DLG2: variants seen among roughly 807,000 people sequenced by gnomAD.
DLG2 encodes discs large MAGUK scaffold protein 2.
Under a neutral mutation model 132.5 loss-of-function variants are expected in DLG2, and 45 were observed. The observed-to-expected ratio is 0.34, with a 90% CI of 0.27 to 0.44. The LOEUF is 0.44. Among genes scored for constraint, DLG2 ranks in the 20% least tolerant of loss-of-function variants. The pLI is 1.00. For synonymous variants in DLG2, 424 were observed against 419.6 expected (o/e 1.01, Z -0.13); for missense variants, 1,045 against 1,196.9 (o/e 0.87, Z 1.87).
intron 6 of DLG2, among the ~76,000 whole-genome samples, chr11:84,614,469 A>G (rs2099600650): frequency 6.6e-6 from 1 of 152,186 alleles, no homozygotes; most frequent in South Asian, 2.1e-4. Context: ...CCTATAGGCA[A>G]ATATTATAGT....
chr11:84,943,451 T>C (rs535452456), intron 6 of DLG2, among the ~76,000 whole-genome samples: 8 of 152,172 alleles, frequency 5.3e-5, no homozygotes, highest in African/African-American at 1.9e-4. Context: ...GGTGACTTTC[T>C]CTGGTGGTAT....
intron 27 of DLG2, 157 bp downstream of exon 27, chr11:83,461,834 ATCAAAATGGGT>A (rs1371926980): frequency 1.8e-6 from 1 of 570,078 alleles, no homozygotes; most frequent in East Asian, 2.9e-5. Context: ...AGGGTTTTAC[ATCAAAATGGGT>A]GAAGCAGAGG....
At chr11:84,557,419 T>C (rs564590020) in intron 6 of DLG2, among the ~76,000 whole-genome samples, 3 of 152,296 alleles carry the variant, frequency 2.0e-5, no homozygotes, top group African/African-American at 7.2e-5. Flanking sequence ...TTTGTTTATA[T>C]ACACATATTA....
At chr11:84,355,554 T>C (rs2098606416) in intron 7 of DLG2, among the ~76,000 whole-genome samples, 2 of 152,084 alleles carry the variant, frequency 1.3e-5, no homozygotes, top group Admixed American at 6.6e-5. Context: ...TTCCCCAGCC[T>C]CCAGAACTGT....
chr11:83,671,924 T>A (rs188856825), intron 18 of DLG2, among the ~76,000 whole-genome samples: 1 of 152,222 alleles, frequency 6.6e-6, no homozygotes. Flanking sequence ...AATACACAAA[T>A]GTTCATTGCT....
At chr11:83,886,998 A>C (rs2068092009) in intron 15 of DLG2, among the ~76,000 whole-genome samples, 1 of 152,160 alleles carries the variant, frequency 6.6e-6, no homozygotes, top group African/African-American at 2.4e-5. Flanking sequence ...AGAAAGCAGG[A>C]AAGATCCAAA....
At chr11:84,371,173 C>T (rs1044304107) in intron 7 of DLG2, among the ~76,000 whole-genome samples, 3 of 151,626 alleles carry the variant, frequency 2.0e-5, no homozygotes, top group African/African-American at 7.3e-5. Flanking sequence ...TAATATGGCA[C>T]TATTTCACTA....
chr11:84,653,343 T>C (rs2099684409), intron 6 of DLG2, among the ~76,000 whole-genome samples: 1 of 152,186 alleles, frequency 6.6e-6, no homozygotes, highest in Admixed American at 6.5e-5. Flanking sequence ...AGATCTAACT[T>C]ACATTAAACT....
At chr11:83,762,162 C>T (rs532016510) in intron 18 of DLG2, among the ~76,000 whole-genome samples, 1 of 152,336 alleles carries the variant, frequency 6.6e-6, no homozygotes. Context: ...CATCACAAAT[C>T]CAGATCCATT....
chr11:85,603,027 G>C (rs557988003), intron 2 of DLG2, among the ~76,000 whole-genome samples: 1 of 152,044 alleles, frequency 6.6e-6, no homozygotes, highest in Non-Finnish European at 1.5e-5. Flanking sequence ...AGGACATTGC[G>C]TAACTACTCC....
intron 6 of DLG2, among the ~76,000 whole-genome samples, chr11:84,745,258 G>C (rs1438283515): frequency 6.6e-6 from 1 of 152,166 alleles, no homozygotes; most frequent in Non-Finnish European, 1.5e-5. Context: ...TCTGGTGGGA[G>C]GTGACTGGAT....
intron 19 of DLG2, among the ~76,000 whole-genome samples, chr11:83,542,373 C>A (rs2096099796): frequency 6.6e-6 from 1 of 151,988 alleles, no homozygotes; most frequent in Non-Finnish European, 1.5e-5. Context: ...GCGGTGATTC[C>A]TCCACTCAAT....
chr11:84,412,914 A>T (rs1296772092), intron 7 of DLG2, among the ~76,000 whole-genome samples: 1 of 152,210 alleles, frequency 6.6e-6, no homozygotes, highest in African/African-American at 2.4e-5. Context: ...TCCAGTTATT[A>T]TCTGAAAACC....
intron 16 of DLG2, among the ~76,000 whole-genome samples, chr11:83,871,464 T>A (rs942561761): frequency 6.6e-6 from 1 of 152,230 alleles, no homozygotes; most frequent in African/African-American, 2.4e-5. Flanking sequence ...TACATTCATT[T>A]AAAAAATATC....
intron 19 of DLG2, among the ~76,000 whole-genome samples, chr11:83,576,942 G>C (rs2096882588): frequency 6.6e-6 from 1 of 152,134 alleles, no homozygotes; most frequent in Non-Finnish European, 1.5e-5. Flanking sequence ...TTAATACTGA[G>C]TGTCAACTTG....
intron 7 of DLG2, among the ~76,000 whole-genome samples, chr11:84,429,319 G>A (rs1372482281): frequency 6.6e-6 from 1 of 152,152 alleles, no homozygotes; most frequent in African/African-American, 2.4e-5. Context: ...ATCAAAAAAT[G>A]TTTGAGTGGG....
At chr11:83,587,073 T>A (rs1321801206) in intron 19 of DLG2, among the ~76,000 whole-genome samples, 1 of 152,196 alleles carries the variant, frequency 6.6e-6, no homozygotes, top group Non-Finnish European at 1.5e-5. Context: ...GTTGTGATGA[T>A]TACATGAAAT....
At chr11:84,174,561 T>C (rs780623436) in intron 8 of DLG2, among the ~76,000 whole-genome samples, 1 of 152,184 alleles carries the variant, frequency 6.6e-6, no homozygotes, top group Non-Finnish European at 1.5e-5. Flanking sequence ...AATTTATGTT[T>C]ATTAAAATTC....
chr11:83,606,606 T>C (rs929787184), intron 19 of DLG2, among the ~76,000 whole-genome samples: 13 of 150,756 alleles, frequency 8.6e-5, no homozygotes, highest in African/African-American at 2.9e-4. Flanking sequence ...GAGCTACTGC[T>C]ACTTGAAAAC....
Sources: gnomAD v4.1 joint callset for allele counts (sites outside exome capture counted in the v4.1 genomes callset) on GRCh38, gnomAD v4.1.1 for gene constraint, MANE v1.5 for transcripts, NCBI Gene and HGNC (gene_info 2026-07-23, HGNC 2026-07-21) for gene names.